Variants in PLCG2 observed in about 807,000 individuals in gnomAD.
PLCG2 encodes 1-phosphatidylinositol 4,5-bisphosphate phosphodiesterase gamma-2.
A neutral mutation model predicts 175.6 loss-of-function variants in PLCG2; 69 were observed. The ratio of observed to expected loss-of-function variants is 0.39; its 90% CI spans 0.32 to 0.48. The LOEUF (loss-of-function observed/expected upper bound fraction) is 0.48. Ranked by LOEUF, PLCG2 falls within the 20% of genes least tolerant of loss-of-function variation. PLCG2 has a pLI of 0.91. For missense variants in PLCG2, 1,798 were observed against 1,650.9 expected, an observed-to-expected ratio of 1.09 and a Z score of -1.54; for synonymous variants, 827 against 624.0, an observed-to-expected ratio of 1.33 and a Z score of -4.85.
chr16:81,814,610 A>C (rs1445879661), intron 2 of PLCG2, among the ~76,000 whole-genome samples: 1 of 151,946 alleles, frequency 6.6e-6, no homozygotes, highest in Non-Finnish European at 1.5e-5. Context: ...CAGGAGAATC[A>C]CTTGAACCCG....
chr16:81,884,148 C>T (rs1908234471), intron 9 of PLCG2, among the ~76,000 whole-genome samples: 1 of 152,146 alleles, frequency 6.6e-6, no homozygotes, highest in African/African-American at 2.4e-5. Context: ...GCCAGGAGTT[C>T]GAGACCTACC....
chr16:81,897,853 T>C (rs574721415), intron 13 of PLCG2: 1 of 456,010 alleles, frequency 2.2e-6, no homozygotes, highest in South Asian at 1.5e-5. Flanking sequence ...CCCGATTGGT[T>C]ATTTTTATTG....
At position 81,935,249 on chromosome 16, in the gene PLCG2, TCTC is replaced by T. The variant is rs371474006; in HGVS notation, c.2842+722_2842+724del. 3.9e-3 allele frequency among the ~76,000 whole-genome samples: 591 copies of T among 152,220 alleles called. 6 individuals are homozygous for T. Among genetic ancestry groups the T allele is most frequent in the African/African-American group, 0.013 (542 of 41,526 alleles). ...GGGGGCTGCTGGCATTCCTTGGCCT[TCTC>T]CTCTTCTGCTTCCCTATTATAAGGA... On this transcript the variant is annotated intron_variant, in intron 26 of 32. Coordinates refer to ENST00000564138, the MANE Select transcript of PLCG2 (RefSeq NM_002661.5).
chr16:81,811,307 T>G (rs1904318323), intron 2 of PLCG2, among the ~76,000 whole-genome samples: 1 of 152,130 alleles, frequency 6.6e-6, no homozygotes, highest in African/African-American at 2.4e-5. Context: ...AACCTTTAGG[T>G]TAGTGCTCAG....
upstream of PLCG2, among the ~76,000 whole-genome samples, chr16:81,776,728 T>C (rs939679324): frequency 1.3e-5 from 2 of 152,198 alleles, no homozygotes; most frequent in Non-Finnish European, 2.9e-5. Flanking sequence ...GTAATTTTTG[T>C]ATTTTTAGTA....
chr16:81,937,879 G>A lies in PLCG2; in HGVS notation c.3174G>A (p.Lys1058=), dbSNP rs528328625. Residue 1058 remains lysine (K), a synonymous_variant, in exon 28 of 33, where the codon AAG becomes AAA. Transcript: ENST00000564138. ...CGATGCCACCCGAGTCCCAGAGGAA[G>A]ATCCTGATGACGCTGACAGTCAAGG... ...YDPMPPESQR[K]ILMTLTVKVL... 1.5e-5 allele frequency: 25 copies of A among 1,614,136 alleles called. No homozygotes were observed. In the South Asian group the frequency reaches 2.6e-4, roughly 17 times the overall value.
intron 5 of PLCG2, among the ~76,000 whole-genome samples, chr16:81,865,891 T>C (rs1907206842): frequency 7.8e-6 from 1 of 128,806 alleles, no homozygotes; most frequent in Admixed American, 7.7e-5. Context: ...CGCTGGCCTC[T>C]CCCTTGCTCC....
intron 2 of PLCG2, among the ~76,000 whole-genome samples, chr16:81,765,696 A>T (rs1035917409): frequency 1.3e-5 from 2 of 152,222 alleles, no homozygotes; most frequent in African/African-American, 4.8e-5. Context: ...ACTTTTAGCC[A>T]CCACATCAGC....
intron 1 of PLCG2, among the ~76,000 whole-genome samples, chr16:81,741,990 A>G (rs983129389): frequency 6.6e-6 from 1 of 152,070 alleles, no homozygotes; most frequent in South Asian, 2.1e-4. Flanking sequence ...CCTCCTACCT[A>G]GCTGAAATTT....
At chr16:81,864,214 C>G (rs969978009) in intron 5 of PLCG2, among the ~76,000 whole-genome samples, 8 of 152,170 alleles carry the variant, frequency 5.3e-5, no homozygotes, top group African/African-American at 7.2e-5. Flanking sequence ...CAAGAATTTG[C>G]ATTTCAACCA....
intron 14 of PLCG2, among the ~76,000 whole-genome samples, chr16:81,904,563 T>G (rs59187909): frequency 0.065 from 9,819 of 152,202 alleles, 989 homozygotes; most frequent in African/African-American, 0.22. Context: ...CTAATCCCCA[T>G]TGGGTCCCCC....
intron 2 of PLCG2, among the ~76,000 whole-genome samples, chr16:81,831,137 C>T (rs1905243337): frequency 6.6e-6 from 1 of 152,196 alleles, no homozygotes; most frequent in Non-Finnish European, 1.5e-5. Flanking sequence ...TGGTCACACA[C>T]CATGCTTTGC....
intron 2 of PLCG2, among the ~76,000 whole-genome samples, chr16:81,837,857 C>A (rs372045589): frequency 3.3e-5 from 5 of 152,148 alleles, no homozygotes; most frequent in African/African-American, 1.2e-4. Context: ...TGCAGTATCA[C>A]AGCCAGGATA....
intron 2 of PLCG2, among the ~76,000 whole-genome samples, chr16:81,823,447 C>T (rs1369635513): frequency 6.6e-6 from 1 of 152,210 alleles, no homozygotes; most frequent in African/African-American, 2.4e-5. Context: ...GGGGTAGGGG[C>T]TGCACTGTCT....
intron 22 of PLCG2, among the ~76,000 whole-genome samples, chr16:81,926,014 A>G (rs1299695802): frequency 1.3e-5 from 2 of 152,174 alleles, no homozygotes; most frequent in Non-Finnish European, 2.9e-5. Flanking sequence ...ACCACAGAGG[A>G]AGAGTGCTCA....
chr16:81,807,120 G>A (rs1904284771), intron 2 of PLCG2, among the ~76,000 whole-genome samples: 1 of 152,138 alleles, frequency 6.6e-6, no homozygotes, highest in Non-Finnish European at 1.5e-5. Context: ...CCTTCTCCAG[G>A]TGGTCAGTGG....
intron 5 of PLCG2, among the ~76,000 whole-genome samples, chr16:81,867,107 A>G (rs1004872202): frequency 2.6e-5 from 4 of 152,116 alleles, no homozygotes; most frequent in Admixed American, 6.5e-5. Context: ...GGCCCTTAGA[A>G]CCAGAGGAAA....
intron 2 of PLCG2, among the ~76,000 whole-genome samples, chr16:81,787,637 T>C (rs937125318): frequency 5.3e-5 from 8 of 151,946 alleles, no homozygotes; most frequent in African/African-American, 1.9e-4. Context: ...GGTTTTAGTA[T>C]ATTTATATAA....
chr16:81,833,759 C>T (rs1422405648), intron 2 of PLCG2, among the ~76,000 whole-genome samples: 2 of 151,980 alleles, frequency 1.3e-5, no homozygotes, highest in African/African-American at 2.4e-5. Flanking sequence ...GTTGCCTAGG[C>T]TGGTCTCGGA....
Sources: gnomAD v4.1 joint callset for allele counts (sites outside exome capture counted in the v4.1 genomes callset) on GRCh38, gnomAD v4.1.1 for gene constraint, MANE v1.5 for transcripts, NCBI Gene and HGNC (gene_info 2026-07-23, HGNC 2026-07-21) for gene names.